Variants in CALN1 observed in about 807,000 individuals in gnomAD.
CALN1 encodes calneuron 1.
CALN1 carries 17 observed loss-of-function variants against 30.6 expected under a neutral mutation model. The observed-to-expected ratio is 0.56, with a 90% confidence interval of 0.38 to 0.83. The LOEUF is 0.83. Ranked by LOEUF, CALN1 falls within the 40% of genes least tolerant of loss-of-function variation. The probability of loss-of-function intolerance (pLI) is 0.00; values close to 1 mark genes in which losing one functional copy is unlikely to be tolerated. For synonymous variants in CALN1, 156 were observed against 131.4 expected, an observed-to-expected ratio of 1.19 and a Z score of -1.28; for missense variants, 291 against 354.9, an observed-to-expected ratio of 0.82 and a Z score of 1.45.
At chr7:72,336,459 G>A (rs1199648474) in intron 2 of CALN1, among the ~76,000 whole-genome samples, 1 of 152,036 alleles carries the variant, frequency 6.6e-6, no homozygotes, top group South Asian at 2.1e-4. Flanking sequence ...TCCCCAGGCA[G>A]GCGGCCAGGA....
chr7:72,457,004 C>CTTT, the CALN1 span, among the ~76,000 whole-genome samples: 132 of 106,528 alleles, frequency 1.2e-3, no homozygotes, highest in East Asian at 1.7e-3. Flanking sequence ...TTCTTTCTTT[C>CTTT]TTTTTTTTTT....
Position 71,787,418 on chromosome 7 carries a change from C to T in CALN1, c.*357G>A, listed in dbSNP as rs550926308. The T allele has an allele frequency of 4.4e-6, 1 of 225,088 alleles. No homozygotes were observed. Among genetic ancestry groups the T allele is most frequent in the South Asian group, 7.2e-5 (1 of 13,860 alleles). 13.9% of individuals were successfully genotyped at this position (225,088 alleles called of 1,614,324 possible). The stretch of plus-strand genomic sequence containing the variant: ...GAGGTGACTGTGTGTTCATGCCTCT[C>T]TCTTGCTCTCTCACCATTATACCTG... On this transcript the variant is annotated 3_prime_UTR_variant, in exon 7 of 7. Transcript: ENST00000395275.
At chr7:72,106,014 G>T (rs891087041) in intron 4 of CALN1, 137 bp downstream of exon 4, 3 of 1,188,766 alleles carry the variant, frequency 2.5e-6, no homozygotes, top group South Asian at 3.2e-5. Context: ...GAAAAAGCCT[G>T]TTCTAGTCCA....
chr7:72,185,494 AG>A (rs1268764529), intron 3 of CALN1, among the ~76,000 whole-genome samples: 3 of 152,200 alleles, frequency 2.0e-5, no homozygotes, highest in Non-Finnish European at 4.4e-5. Flanking sequence ...GGTTGTGGTA[AG>A]TAGAGTAATG....
At chr7:72,099,903 G>C (rs1806526113) in intron 4 of CALN1, among the ~76,000 whole-genome samples, 2 of 152,222 alleles carry the variant, frequency 1.3e-5, no homozygotes, top group Admixed American at 1.3e-4. Context: ...ATTGGTAGCT[G>C]AGTATGATGA....
the CALN1 span, among the ~76,000 whole-genome samples, chr7:72,498,367 C>T: frequency 1.3e-5 from 2 of 151,452 alleles, no homozygotes; most frequent in African/African-American, 2.4e-5. Context: ...AAAAAAAAAA[C>T]TTATACCTAG....
intron 3 of CALN1, among the ~76,000 whole-genome samples, chr7:72,229,934 A>C (rs796487701): frequency 1.4e-4 from 22 of 152,038 alleles, no homozygotes; most frequent in African/African-American, 4.3e-4. Context: ...TGAGGTCAGG[A>C]GATCGAGACC....
At chr7:71,972,361 G>A (rs553738631) in intron 5 of CALN1, among the ~76,000 whole-genome samples, 1 of 152,164 alleles carries the variant, frequency 6.6e-6, no homozygotes, top group Non-Finnish European at 1.5e-5. Context: ...AAAGACTTCT[G>A]GTTATAGAAT....
At position 72,159,417 on chromosome 7, in the gene CALN1, T is replaced by C. The variant is rs921705821; in HGVS notation, c.245-53123A>G. ...CAGAGGCTGAGGCAGGGAGGATCAC[T>C]TGAACCCAGAAGGCTGAGGCTGCAG... On this transcript the variant is annotated intron_variant, in intron 3 of 6. Transcript: ENST00000395275. Among the ~76,000 whole-genome samples, 4 of 152,274 alleles carry C rather than the reference T, an allele frequency of 2.6e-5. No individual in the cohort carries two copies. The East Asian group carries it at 7.7e-4, about 29-fold the overall frequency.
chr7:72,053,519 T>A (rs1442345597), intron 4 of CALN1, among the ~76,000 whole-genome samples: 2 of 152,128 alleles, frequency 1.3e-5, no homozygotes, highest in Non-Finnish European at 2.9e-5. Flanking sequence ...TGATTTACAC[T>A]CCCACCAACA....
At chr7:71,958,080 A>G (rs867566323) in intron 5 of CALN1, among the ~76,000 whole-genome samples, 5 of 145,568 alleles carry the variant, frequency 3.4e-5, no homozygotes, top group Non-Finnish European at 6.0e-5. Context: ...AAAAAAAAAA[A>G]AAAGAAAGAA....
intron 5 of CALN1, among the ~76,000 whole-genome samples, chr7:71,966,749 G>A (rs1434989637): frequency 1.3e-5 from 2 of 152,096 alleles, no homozygotes; most frequent in African/African-American, 2.4e-5. Flanking sequence ...CTAATACCAT[G>A]GTTCTTAACG....
At chr7:72,493,137 C>T in the CALN1 span, among the ~76,000 whole-genome samples, 1 of 152,074 alleles carries the variant, frequency 6.6e-6, no homozygotes, top group African/African-American at 2.4e-5. Flanking sequence ...TCCCCAGTCT[C>T]CCGCCATCTC....
intron 4 of CALN1, among the ~76,000 whole-genome samples, chr7:72,024,400 C>CT (rs1212404877): frequency 2.6e-5 from 4 of 152,030 alleles, no homozygotes; most frequent in Non-Finnish European, 5.9e-5. Flanking sequence ...TTGAACAGCA[C>CT]TTTTTTTGTT....
intron 1 of CALN1, among the ~76,000 whole-genome samples, chr7:72,441,623 T>C (rs891404461): frequency 1.5e-5 from 2 of 134,524 alleles, no homozygotes; most frequent in Non-Finnish European, 3.2e-5. Context: ...AAAAAAAAAG[T>C]TGGGAGAATG....
chr7:71,929,109 A>AT (rs1276221303), intron 5 of CALN1, among the ~76,000 whole-genome samples: 1 of 152,202 alleles, frequency 6.6e-6, no homozygotes, highest in Non-Finnish European at 1.5e-5. Flanking sequence ...ACAGAATTTC[A>AT]TTTTTTTAAT....
chr7:71,868,281 G>A (rs1289762241), intron 5 of CALN1, among the ~76,000 whole-genome samples: 1 of 152,064 alleles, frequency 6.6e-6, no homozygotes, highest in Admixed American at 6.5e-5. Flanking sequence ...TGGAGAGGCT[G>A]CAGAAAGCTT....
At chr7:72,260,514 T>A (rs999376973) in intron 3 of CALN1, among the ~76,000 whole-genome samples, 2 of 152,210 alleles carry the variant, frequency 1.3e-5, no homozygotes, top group African/African-American at 4.8e-5. Flanking sequence ...ACATTTTTCT[T>A]AACTTGCATA....
intron 2 of CALN1, among the ~76,000 whole-genome samples, chr7:72,302,611 A>C (rs1799354848): frequency 1.3e-5 from 2 of 152,094 alleles, no homozygotes. Context: ...ATACGAAAAC[A>C]GGATGAGCGC....
Sources: allele counts gnomAD v4.1 joint callset (sites outside exome capture counted in the v4.1 genomes callset), GRCh38; gene constraint gnomAD v4.1.1; transcripts MANE v1.5; gene names NCBI Gene and HGNC (gene_info 2026-07-23, HGNC 2026-07-21).